The following FIRRM variants were observed in gnomAD, a reference collection of about 807,000 sequenced individuals.
FIRRM encodes the protein FIGNL1-interacting regulator of recombination and mitosis.
At chr1:169,842,691 C>G in the FIRRM span, 1 of 817,090 alleles carries the variant, frequency 1.2e-6, no homozygotes, top group South Asian at 2.0e-5. Context: ...CCTGTACTCT[C>G]TCACGCAGCT....
At chr1:169,842,764 C>G in the FIRRM span, among the ~76,000 whole-genome samples, 2 of 152,132 alleles carry the variant, frequency 1.3e-5, no homozygotes, top group Non-Finnish European at 2.9e-5. Flanking sequence ...GGCAGTCCAC[C>G]TACTTACTTT....
chr1:169,839,377 C>T, the FIRRM span, among the ~76,000 whole-genome samples: 1 of 152,170 alleles, frequency 6.6e-6, no homozygotes, highest in South Asian at 2.1e-4. Context: ...ATATACATTC[C>T]TACCAACAGT....
At chr1:169,852,333 A>G in the FIRRM span, 1 of 286,966 alleles carries the variant, frequency 3.5e-6, no homozygotes, top group Admixed American at 5.0e-5. Context: ...ACATCTACTT[A>G]TTAAAAGGCA....
the FIRRM span, among the ~76,000 whole-genome samples, chr1:169,817,818 T>A: frequency 6.6e-6 from 1 of 152,356 alleles, no homozygotes; most frequent in Admixed American, 6.5e-5. Flanking sequence ...CATAAACTAT[T>A]TACAACTCTT....
At chr1:169,852,981 A>G in the FIRRM span, 1 of 1,613,666 alleles carries the variant, frequency 6.2e-7, no homozygotes, top group Non-Finnish European at 8.5e-7. Flanking sequence ...TACATACTCT[A>G]GGGTGAAACT....
At chr1:169,847,671 T>C in the FIRRM span, 1 of 1,526,204 alleles carries the variant, frequency 6.6e-7, no homozygotes, top group Non-Finnish European at 9.1e-7. Flanking sequence ...TAACTGTTCT[T>C]TGGTCTTCAC....
the FIRRM span, chr1:169,800,871 T>C: frequency 2.1e-6 from 3 of 1,405,200 alleles, no homozygotes; most frequent in Non-Finnish European, 3.0e-6. Context: ...AAATTTGTTA[T>C]TTGCTTTACA....
At chr1:169,810,137 G>A in the FIRRM span, among the ~76,000 whole-genome samples, 1 of 152,102 alleles carries the variant, frequency 6.6e-6, no homozygotes, top group East Asian at 1.9e-4. Flanking sequence ...ATTCATGAGG[G>A]CAGAGCCCTC....
At chr1:169,792,829 G>C in the FIRRM span, 2 of 1,613,816 alleles carry the variant, frequency 1.2e-6, no homozygotes, top group Non-Finnish European at 1.7e-6. Context: ...AGGTGAGAAT[G>C]AGATCATATT....
At chr1:169,790,174 C>CT in the FIRRM span, among the ~76,000 whole-genome samples, 53 of 148,680 alleles carry the variant, frequency 3.6e-4, 1 homozygote, top group Admixed American at 2.3e-3. Context: ...CCACATTTAT[C>CT]TTTTTTTTTT....
At chr1:169,842,581 A>C in the FIRRM span, 1 of 1,597,116 alleles carries the variant, frequency 6.3e-7, no homozygotes, top group South Asian at 1.1e-5. Flanking sequence ...AAAAATAGAA[A>C]ATATCAAAAA....
At chr1:169,798,416 C>T in the FIRRM span, among the ~76,000 whole-genome samples, 1 of 151,650 alleles carries the variant, frequency 6.6e-6, no homozygotes, top group Non-Finnish European at 1.5e-5. Context: ...TACAGGTGTG[C>T]GCCACCATGC....
At chr1:169,833,288 C>T in the FIRRM span, among the ~76,000 whole-genome samples, 1 of 152,052 alleles carries the variant, frequency 6.6e-6, no homozygotes, top group African/African-American at 2.4e-5. Flanking sequence ...GGTATGGAGG[C>T]ATGGGTATGA....
At chr1:169,815,580 T>A in the FIRRM span, among the ~76,000 whole-genome samples, 1 of 152,204 alleles carries the variant, frequency 6.6e-6, no homozygotes, top group African/African-American at 2.4e-5. Flanking sequence ...TAGTGTATAG[T>A]GAGCAGTGAG....
chr1:169,820,008 A>G, the FIRRM span, among the ~76,000 whole-genome samples: 21,876 of 152,254 alleles, frequency 0.14, 1,662 homozygotes, highest in Middle Eastern at 0.21. Context: ...AAGGCTCAAG[A>G]TAATTTTTAG....
At chr1:169,827,274 C>A in the FIRRM span, 1 of 1,221,112 alleles carries the variant, frequency 8.2e-7, no homozygotes, top group Non-Finnish European at 1.1e-6. Flanking sequence ...CCTAGCCATT[C>A]TTTTTTACAA....
chr1:169,832,788 T>G, the FIRRM span, among the ~76,000 whole-genome samples: 1 of 152,056 alleles, frequency 6.6e-6, no homozygotes, highest in South Asian at 2.1e-4. Context: ...AAAAATTACT[T>G]GTAGAGACTG....
chr1:169,828,760 G>A, the FIRRM span, among the ~76,000 whole-genome samples: 2 of 152,048 alleles, frequency 1.3e-5, no homozygotes, highest in South Asian at 2.1e-4. Flanking sequence ...TGTTGCCCAG[G>A]TCTTCCAACT....
the FIRRM span, chr1:169,849,516 A>G: frequency 5.0e-6 from 8 of 1,613,668 alleles, no homozygotes; most frequent in Non-Finnish European, 6.8e-6. Context: ...ATTCTGCCCA[A>G]CCTGTCCTGT....
Sources: gnomAD v4.1 joint callset for allele counts (sites outside exome capture counted in the v4.1 genomes callset) on GRCh38, gnomAD v4.1.1 for gene constraint, MANE v1.5 for transcripts, NCBI Gene and HGNC (gene_info 2026-07-23, HGNC 2026-07-21) for gene names.